Variants in BORCS5 observed in about 807,000 individuals in gnomAD.
BORCS5 encodes BLOC-1 related complex subunit 5.
BORCS5 carries 17 observed loss-of-function variants against 22.1 expected under a neutral mutation model. The ratio of observed to expected loss-of-function variants is 0.77; its 90% CI spans 0.53 to 1.15. The LOEUF (loss-of-function observed/expected upper bound fraction) is 1.15. Among genes scored for constraint, BORCS5 ranks in the 50% most tolerant of loss-of-function variants. BORCS5 has a pLI of 0.00. For missense variants in BORCS5, 247 were observed against 253.2 expected (o/e 0.98, Z 0.17); for synonymous variants, 117 against 99.8 (o/e 1.17, Z -1.03).
In BORCS5 at chr12:12,357,494, G is replaced by T. The variant is rs779845179; in HGVS notation, c.43G>T (p.Asp15Tyr). The change falls in exon 1 of 4, where the codon GAT becomes TAT. Residue 15 changes from aspartate (D) to tyrosine (Y), a missense_variant. Asp to Tyr is a radical substitution (Grantham distance 160). Transcript: ENST00000314565. ...QSSEAESRPN[D>Y]LNSSVTPSPA... Reference sequence around the variant, plus strand: ...CTCCGAGGCCGAGAGCCGACCCAACGATCTGAACTCCTCAGGTCGGTGTCC... The same window carrying T: ...CTCCGAGGCCGAGAGCCGACCCAACTATCTGAACTCCTCAGGTCGGTGTCC... The T allele has an allele frequency of 1.2e-6, 2 of 1,611,400 alleles. No homozygotes were observed. Among genetic ancestry groups the T allele is most frequent in the South Asian group, 2.2e-5 (2 of 91,012 alleles).
chr12:12,395,306 G>T (rs1400278089), intron 2 of BORCS5, among the ~76,000 whole-genome samples: 4 of 151,814 alleles, frequency 2.6e-5, no homozygotes, highest in Admixed American at 2.0e-4. Flanking sequence ...GTCTCTCTCT[G>T]TCACCCAGGC....
chr12:12,407,693 T>G (rs1477276715), intron 2 of BORCS5, among the ~76,000 whole-genome samples: 1 of 151,360 alleles, frequency 6.6e-6, no homozygotes, highest in Non-Finnish European at 1.5e-5. Flanking sequence ...CGCCATGAAT[T>G]TTACTATTCT....
chr12:12,451,876 C>G lies in BORCS5; in HGVS notation c.361-13670C>G, dbSNP rs551435704. Reference sequence around the variant, plus strand: ...GAGCTTGCAGTGAGCCGAGATCGCACCACTGCACTCCAGCCTGGCGACAGA... The same window carrying G: ...GAGCTTGCAGTGAGCCGAGATCGCAGCACTGCACTCCAGCCTGGCGACAGA... On this transcript the variant is annotated intron_variant, in intron 3 of 3. Coordinates refer to ENST00000314565, the MANE Select transcript of BORCS5 (RefSeq NM_058169.6). Among the ~76,000 whole-genome samples the G allele has an allele frequency of 6.0e-5, 9 of 150,272 alleles. No homozygotes were observed. In the East Asian group the frequency reaches 1.8e-3, roughly 29 times the overall value.
intron 2 of BORCS5, among the ~76,000 whole-genome samples, chr12:12,408,752 A>G (rs2051050236): frequency 1.3e-5 from 2 of 152,212 alleles, no homozygotes. Context: ...TGAATACCAC[A>G]TGTGTATATA....
Position 12,465,839 on chromosome 12 carries a change from C to T in BORCS5, c.*63C>T. ...ACCGACACCCTGAGGACGTGTGGAG[C>T]TAAGGTCATATCATCTGACCAGGTC... On this transcript the variant is annotated 3_prime_UTR_variant, in exon 4 of 4. Transcript: ENST00000314565. 5 of 1,412,020 alleles carry T rather than the reference C, an allele frequency of 3.5e-6. No homozygotes were observed. The highest frequency in any genetic ancestry group is 2.4e-5 in the East Asian group (1 of 41,434). The allele number at this position is 1,412,020 out of a possible 1,614,324, so 87.5% of individuals were successfully genotyped here. A position where few individuals can be genotyped will look rare whatever the true frequency, so the allele number is the denominator to read the frequency against.
intron 3 of BORCS5, among the ~76,000 whole-genome samples, chr12:12,447,907 A>T (rs1011904487): frequency 6.6e-6 from 1 of 152,182 alleles, no homozygotes; most frequent in African/African-American, 2.4e-5. Flanking sequence ...CCTTTCCTTC[A>T]CTATCCACCT....
At position 12,383,993 on chromosome 12, in the gene BORCS5, A is replaced by G. The variant is rs1012485497; in HGVS notation, c.202+22644A>G. Among the ~76,000 whole-genome samples, 10 of 151,026 alleles carry G rather than the reference A, an allele frequency of 6.6e-5. 1 individual carries two copies. The highest frequency in any genetic ancestry group is 1.3e-4 in the Non-Finnish European group (9 of 67,624). On this transcript the variant is annotated intron_variant, in intron 2 of 3. Transcript: ENST00000314565. Reference sequence around the variant, plus strand: ...TTAATCTTTTCTCTTTGTTCTTTAGATAATTTCTATTTTCAGGTTCACTGA... The same window carrying G: ...TTAATCTTTTCTCTTTGTTCTTTAGGTAATTTCTATTTTCAGGTTCACTGA...
At chr12:12,409,309 GT>G (rs1941663800) in intron 2 of BORCS5, among the ~76,000 whole-genome samples, 1 of 151,988 alleles carries the variant, frequency 6.6e-6, no homozygotes, top group Non-Finnish European at 1.5e-5. Flanking sequence ...CCATGTTGGT[GT>G]GCTGTACCCA....
chr12:12,456,187 A>G (rs893758919), intron 3 of BORCS5, among the ~76,000 whole-genome samples: 20 of 152,138 alleles, frequency 1.3e-4, no homozygotes, highest in Admixed American at 9.8e-4. Context: ...TAATCCCAAC[A>G]CTTTGGGAGG....
chr12:12,411,364 G>A (rs1240972485), intron 2 of BORCS5, among the ~76,000 whole-genome samples: 2 of 152,084 alleles, frequency 1.3e-5, no homozygotes, highest in East Asian at 3.9e-4. Context: ...TCTTTCATGT[G>A]CTTATTGGCC....
chr12:12,461,179 T>TTTC (rs1555159171), intron 3 of BORCS5, among the ~76,000 whole-genome samples: 1 of 147,640 alleles, frequency 6.8e-6, no homozygotes, highest in Admixed American at 6.7e-5. Context: ...TTTTTTTTTT[T>TTTC]CCCCCTGGGA....
chr12:12,460,196 T>A (rs1029812926), intron 3 of BORCS5, among the ~76,000 whole-genome samples: 3 of 152,248 alleles, frequency 2.0e-5, no homozygotes, highest in African/African-American at 4.8e-5. Context: ...CAGAGCGATG[T>A]TTTGTAATAT....
intron 2 of BORCS5, among the ~76,000 whole-genome samples, chr12:12,395,677 G>C (rs571437161): frequency 6.6e-6 from 1 of 151,974 alleles, no homozygotes; most frequent in South Asian, 2.1e-4. Flanking sequence ...CGTGATTGTA[G>C]TTTTGTTTGT....
intron 2 of BORCS5, among the ~76,000 whole-genome samples, chr12:12,402,065 CAAAA>C (rs550592058): frequency 3.2e-5 from 3 of 94,348 alleles, no homozygotes; most frequent in Admixed American, 1.2e-4. Context: ...GACTCCGTCT[CAAAA>C]AAAAAAAAAA....
At chr12:12,383,373 ATGTT>A (rs1206589723) in intron 2 of BORCS5, among the ~76,000 whole-genome samples, 1 of 151,272 alleles carries the variant, frequency 6.6e-6, no homozygotes, top group East Asian at 1.9e-4. Flanking sequence ...TTCCTTAAGG[ATGTT>A]TGTCTTTTAA....
At chr12:12,414,782 C>CTGTG (rs1555151354) in intron 2 of BORCS5, among the ~76,000 whole-genome samples, 1 of 140,162 alleles carries the variant, frequency 7.1e-6, no homozygotes, top group Non-Finnish European at 1.6e-5. Context: ...AGGGGCTCCT[C>CTGTG]ACTTCTCAGA....
chr12:12,366,490 T>G (rs1020015723), intron 2 of BORCS5, among the ~76,000 whole-genome samples: 1 of 152,222 alleles, frequency 6.6e-6, no homozygotes, highest in Non-Finnish European at 1.5e-5. Flanking sequence ...GGGATTTCTG[T>G]TTTTCATAGC....
chr12:12,412,566 C>A (rs1388113011), intron 2 of BORCS5, among the ~76,000 whole-genome samples: 1 of 152,144 alleles, frequency 6.6e-6, no homozygotes, highest in African/African-American at 2.4e-5. Flanking sequence ...CATCCGTGAA[C>A]AGACATAATT....
intron 2 of BORCS5, among the ~76,000 whole-genome samples, chr12:12,434,058 C>T (rs1565910696): frequency 1.3e-5 from 2 of 151,752 alleles, no homozygotes; most frequent in African/African-American, 2.4e-5. Context: ...TACACTGAGG[C>T]GGGAGGATCG....
Sources: gnomAD v4.1 joint callset for allele counts (sites outside exome capture counted in the v4.1 genomes callset) on GRCh38, gnomAD v4.1.1 for gene constraint, MANE v1.5 for transcripts, NCBI Gene and HGNC (gene_info 2026-07-23, HGNC 2026-07-21) for gene names.